Variants in ITGA4 observed in about 807,000 individuals in gnomAD.
The protein encoded by ITGA4 is integrin subunit alpha 4.
In ITGA4, 63 loss-of-function variants were observed where a neutral mutation model predicts 133.6. That is an observed-to-expected ratio of 0.47 (90% CI 0.38 to 0.58). ITGA4 has a LOEUF of 0.58. ITGA4 is among the 20% of genes least tolerant of loss of function. The pLI is 0.00. For missense variants in ITGA4, 1,076 were observed against 1,252.7 expected, an observed-to-expected ratio of 0.86 and a Z score of 2.13; for synonymous variants, 483 against 438.0, an observed-to-expected ratio of 1.10 and a Z score of -1.28.
chr2:181,485,901 G>T lies in ITGA4; in HGVS notation c.1062G>T (p.Met354Ile). ...TCTAGGGAGCAGTAATGAATGCAAT[G>T]GAAACAAACCTCGTTGGAAGTGACA... Reference protein sequence around the residue: ...NSGSGAVMNAMETNLVGSDKY... With the variant: ...NSGSGAVMNAIETNLVGSDKY... The change falls in exon 10 of 28, where the codon ATG becomes ATT. Residue 354 changes from methionine to isoleucine, a missense_variant. Physicochemically the swap from Met to Ile is conservative, Grantham distance 10. This residue lies in a region of ITGA4 where 436 missense variants were observed against 590.7 expected (regional missense o/e 0.74). Transcript: ENST00000397033. 6.2e-7 allele frequency: 1 copy of T among 1,604,214 alleles called. No homozygotes were observed. Among genetic ancestry groups the T allele is most frequent in the Non-Finnish European group, 8.5e-7 (1 of 1,177,658 alleles).
chr2:181,522,475 T>TA, intron 18 of ITGA4, 134 bp downstream of exon 18: 1 of 596,416 alleles, frequency 1.7e-6, no homozygotes, highest in African/African-American at 1.9e-5. Flanking sequence ...TTTTCAGACT[T>TA]ACTCTGTGCC....
In ITGA4 at chr2:181,475,285, CAAGGT is replaced by C. The variant is rs1559040106; in HGVS notation, c.556+2_556+6del. ...GAGTAAAAGAATAGCTCCGTGTTATCAAGGTAAGGCATGATTTTGATACGAATTAG... is the reference window on the plus strand; with the variant it reads ...GAGTAAAAGAATAGCTCCGTGTTATCAAGGCATGATTTTGATACGAATTAG... On this transcript the variant is annotated splice_donor_variant and coding_sequence_variant, in exon 4 of 28. Coordinates refer to ENST00000397033, the MANE Select transcript of ITGA4 (RefSeq NM_000885.6). LOFTEE classifies it high-confidence loss of function. The C allele has an allele frequency of 6.2e-7, 1 of 1,609,690 alleles. No individual in the cohort carries two copies. Among genetic ancestry groups the C allele is most frequent in the Non-Finnish European group, 8.5e-7 (1 of 1,177,294 alleles).
At chr2:181,493,912 C>T (rs1227451416) in intron 11 of ITGA4, among the ~76,000 whole-genome samples, 1 of 106,732 alleles carries the variant, frequency 9.4e-6, no homozygotes, top group South Asian at 4.3e-4. Context: ...GTTGAAAAAT[C>T]ATGGCATTTC....
At position 181,535,414 on chromosome 2, in the gene ITGA4, A is replaced by ATGTT; in HGVS notation, c.3004-17_3004-14dup. ...TGTTCATAACTATACACTAGTGATT[A>ATGTT]TGTTATGCTATTTTCAGGCTGGCTT... On this transcript the variant is annotated splice_polypyrimidine_tract_variant and intron_variant, in intron 27 of 27. Coordinates refer to ENST00000397033, the MANE Select transcript of ITGA4 (RefSeq NM_000885.6). 6.4e-7 allele frequency: 1 copy of ATGTT among 1,572,422 alleles called. No homozygotes were observed. The highest frequency in any genetic ancestry group is 8.7e-7 in the Non-Finnish European group (1 of 1,150,770).
At chr2:181,486,044 TG>T (rs1685908471) in intron 10 of ITGA4, 52 bp downstream of exon 10, 3 of 1,540,494 alleles carry the variant, frequency 1.9e-6, no homozygotes, top group African/African-American at 1.4e-5. Flanking sequence ...AAATGGTTTA[TG>T]GAAGAAAATA....
chr2:181,525,291 G>A lies in ITGA4; in HGVS notation c.2339G>A (p.Gly780Glu). 6.6e-7 allele frequency: 1 copy of A among 1,518,212 alleles called. No individual in the cohort carries two copies. The highest frequency in any genetic ancestry group is 9.1e-7 in the Non-Finnish European group (1 of 1,095,314). 94.0% of individuals were successfully genotyped at this position (1,518,212 alleles called of 1,614,324 possible). A position where few individuals can be genotyped will look rare whatever the true frequency, so the allele number is the denominator to read the frequency against. Residue 780 changes from glycine to glutamate, a missense_variant and splice_region_variant, in exon 21 of 28, where the codon GGG becomes GAG. This residue lies in a region of ITGA4 where 365 missense variants were observed against 421.4 expected (regional missense o/e 0.87). Transcript: ENST00000397033. ...LKYEVKLTVH[G>E]FVNPTSFVYG... is the part of the protein sequence containing the mutation. ...TATGAGGTTAAGCTGACTGTTCATG[G>A]GTAAGTAGACATAAAGGCTTCCTTT...
rs1436580841 is a variant in ITGA4 at position 181,503,256 on chromosome 2, G to A, written c.1695+4479G>A. Among the ~76,000 whole-genome samples the A allele has an allele frequency of 2.6e-5, 4 of 151,974 alleles. No homozygotes were observed. In the South Asian group the frequency reaches 6.2e-4, roughly 24 times the overall value. On this transcript the variant is annotated intron_variant, in intron 15 of 27. Coordinates refer to ENST00000397033, the MANE Select transcript of ITGA4 (RefSeq NM_000885.6). ...TGTGTTCTTTGATGGCGGGGAATTC[G>A]GCTGTCAAAAAGACTCCAGATCTTA...
chr2:181,484,311 G>A (rs771325122), intron 9 of ITGA4, among the ~76,000 whole-genome samples: 2 of 152,132 alleles, frequency 1.3e-5, no homozygotes, highest in African/African-American at 2.4e-5. Context: ...TACTAAAATA[G>A]CTCTCAGGGG....
chr2:181,465,336 A>G (rs1288906676), intron 2 of ITGA4, among the ~76,000 whole-genome samples: 2 of 152,164 alleles, frequency 1.3e-5, no homozygotes, highest in East Asian at 3.9e-4. Context: ...ATAATATGAT[A>G]CATTCCTCAC....
At position 181,457,483 on chromosome 2, in the gene ITGA4, C is replaced by T; in HGVS notation, c.-172C>T. ...TCCCAGGCCGGCCCGAACGCTCCGCCCGCGGTGGGCCGACTTCCCCTCCTC... is the reference window on the plus strand; with the variant it reads ...TCCCAGGCCGGCCCGAACGCTCCGCTCGCGGTGGGCCGACTTCCCCTCCTC... On this transcript the variant is annotated 5_prime_UTR_variant, in exon 1 of 28. Transcript: ENST00000397033. The T allele has an allele frequency of 1.6e-6, 1 of 622,878 alleles. No individual in the cohort carries two copies. The highest frequency in any genetic ancestry group is 3.4e-5 in the Admixed American group (1 of 29,726). The allele number at this position is 622,878 out of a possible 1,614,324, so 38.6% of individuals were successfully genotyped here.
intron 10 of ITGA4, among the ~76,000 whole-genome samples, chr2:181,488,566 A>T (rs996556757): frequency 6.8e-6 from 1 of 147,626 alleles, no homozygotes; most frequent in East Asian, 2.0e-4. Context: ...TTTTTATTTT[A>T]TTTTTTTTTT....
chr2:181,524,414 T>C, intron 20 of ITGA4, 164 bp downstream of exon 20: 1 of 507,814 alleles, frequency 2.0e-6, no homozygotes, highest in South Asian at 3.6e-5. Context: ...TGGGAGTTAC[T>C]GGCAATGTTT....
At chr2:181,494,249 T>A (rs1448361509) in intron 11 of ITGA4, among the ~76,000 whole-genome samples, 1 of 152,188 alleles carries the variant, frequency 6.6e-6, no homozygotes, top group Non-Finnish European at 1.5e-5. Context: ...ATTATAGACA[T>A]CTTGTTTTAC....
chr2:181,467,690 T>C (rs762514788), intron 2 of ITGA4, among the ~76,000 whole-genome samples: 15 of 152,180 alleles, frequency 9.9e-5, no homozygotes, highest in Non-Finnish European at 1.3e-4. Context: ...TATTTTCAGC[T>C]AAAAGCTTCA....
At chr2:181,534,213 G>A in intron 25 of ITGA4, 59 bp from the exon 26 acceptor site, 1 of 1,043,792 alleles carries the variant, frequency 9.6e-7, no homozygotes, top group Non-Finnish European at 1.5e-6. Context: ...TAAAGATCCT[G>A]ATAAATTATG....
Position 181,527,321 on chromosome 2 carries a change from G to A in ITGA4, c.2364G>A (p.Val788=). 1.2e-6 allele frequency: 2 copies of A among 1,610,956 alleles called. No homozygotes were observed. Among genetic ancestry groups the A allele is most frequent in the Non-Finnish European group, 1.7e-6 (2 of 1,177,304 alleles). The part of the protein sequence containing the change: ...VHGFVNPTSF[V]YGSNDENEPE... The stretch of plus-strand genomic sequence containing the variant: ...GGTTTGTAAACCCAACTTCATTTGT[G>A]TATGGATCAAATGATGAAAATGAGC... The change falls in exon 22 of 28, where the codon GTG becomes GTA. Residue 788 remains valine (V), a synonymous_variant. Coordinates refer to ENST00000397033, the MANE Select transcript of ITGA4 (RefSeq NM_000885.6).
At chr2:181,461,204 T>C (rs920575049) in intron 2 of ITGA4, among the ~76,000 whole-genome samples, 3 of 146,858 alleles carry the variant, frequency 2.0e-5, no homozygotes, top group African/African-American at 7.6e-5. Flanking sequence ...CCTGTTTATC[T>C]AGAATGCCCA....
At chr2:181,512,657 T>C (rs1233574736) in intron 17 of ITGA4, among the ~76,000 whole-genome samples, 1 of 151,998 alleles carries the variant, frequency 6.6e-6, no homozygotes, top group East Asian at 1.9e-4. Context: ...AGACTTAATA[T>C]TGTAAAATTT....
At chr2:181,479,970 A>G (rs1356665173) in intron 5 of ITGA4, among the ~76,000 whole-genome samples, 167 bp from the exon 6 acceptor site, 2 of 148,950 alleles carry the variant, frequency 1.3e-5, no homozygotes, top group Non-Finnish European at 3.0e-5. Flanking sequence ...CCATTAGCCA[A>G]CTTCTCTGGC....
Sources: allele counts gnomAD v4.1 joint callset (sites outside exome capture counted in the v4.1 genomes callset), GRCh38; gene constraint gnomAD v4.1.1; regional missense constraint gnomAD v4.1.1; transcripts MANE v1.5; gene names NCBI Gene and HGNC (gene_info 2026-07-23, HGNC 2026-07-21).